Variants in CNTN4 observed in about 807,000 individuals in gnomAD.
CNTN4 encodes contactin 4, also known as contactin-4.
A neutral mutation model predicts 122.5 loss-of-function variants in CNTN4; 77 were observed. That is an observed-to-expected ratio of 0.63 (90% confidence interval 0.52 to 0.76). The LOEUF (loss-of-function observed/expected upper bound fraction) is 0.76. Among genes scored for constraint, CNTN4 ranks in the 30% least tolerant of loss-of-function variants. The pLI is 0.00. For missense variants in CNTN4, 1,256 were observed against 1,259.1 expected (o/e 1.00, Z 0.04); for synonymous variants, 512 against 447.0 (o/e 1.15, Z -1.83).
intron 6 of CNTN4, among the ~76,000 whole-genome samples, chr3:2,812,602 G>A (rs763188396): frequency 1.3e-5 from 2 of 151,158 alleles, no homozygotes; most frequent in African/African-American, 2.4e-5. Flanking sequence ...CAGTAGTGTT[G>A]ACTTGGCCAC....
chr3:2,870,096 G>A (rs892916388), intron 8 of CNTN4, among the ~76,000 whole-genome samples: 2 of 152,134 alleles, frequency 1.3e-5, no homozygotes, highest in African/African-American at 4.8e-5. Flanking sequence ...AGGGACAGAC[G>A]TCACACAGAA....
At chr3:2,483,553 T>C (rs901146188) in intron 3 of CNTN4, among the ~76,000 whole-genome samples, 1 of 152,208 alleles carries the variant, frequency 6.6e-6, no homozygotes, top group African/African-American at 2.4e-5. Context: ...AAACTTCATC[T>C]TGAGTTGTAA....
intron 15 of CNTN4, 79 bp downstream of exon 15, chr3:3,026,356 G>T (rs986069332): frequency 9.9e-5 from 129 of 1,299,710 alleles, no homozygotes; most frequent in Non-Finnish European, 1.3e-4. Flanking sequence ...TACTATTTTA[G>T]AATTTTGTTC....
intron 14 of CNTN4, among the ~76,000 whole-genome samples, chr3:3,003,719 AAAAC>A (rs1243068668): frequency 1.3e-5 from 2 of 150,842 alleles, no homozygotes; most frequent in Non-Finnish European, 3.0e-5. Context: ...AAAAAACAAA[AAAAC>A]CCCACTGAAT....
At chr3:2,158,908 T>C (rs1424661547) in intron 2 of CNTN4, among the ~76,000 whole-genome samples, 1 of 152,212 alleles carries the variant, frequency 6.6e-6, no homozygotes, top group Non-Finnish European at 1.5e-5. Flanking sequence ...ACAACATTCT[T>C]TTTAAAGCAT....
chr3:2,821,492 CT>C (rs2092871565), intron 7 of CNTN4, among the ~76,000 whole-genome samples: 1 of 152,186 alleles, frequency 6.6e-6, no homozygotes, highest in Non-Finnish European at 1.5e-5. Context: ...CGTAAGTTTT[CT>C]TTGCCTGAGG....
At chr3:2,409,985 T>C in intron 3 of CNTN4, among the ~76,000 whole-genome samples, 1 of 152,184 alleles carries the variant, frequency 6.6e-6, no homozygotes, top group African/African-American at 2.4e-5. Context: ...TGGGTCATTA[T>C]AAAAATTTCA....
At chr3:2,234,270 T>C (rs1216384225) in intron 2 of CNTN4, among the ~76,000 whole-genome samples, 1 of 144,942 alleles carries the variant, frequency 6.9e-6, no homozygotes, top group African/African-American at 2.6e-5. Flanking sequence ...CCCAGCTACT[T>C]GGGAGGCTGA....
chr3:2,132,351 G>A (rs2034491099), intron 2 of CNTN4: 1 of 152,176 alleles, frequency 6.6e-6, no homozygotes, highest in South Asian at 2.1e-4. Context: ...GCTGAGCCCA[G>A]ACCACTCACA....
chr3:3,052,960 T>C (rs1195257358), intron 23 of CNTN4, among the ~76,000 whole-genome samples: 1 of 152,250 alleles, frequency 6.6e-6, no homozygotes. Context: ...TGATTATCTT[T>C]AAGCCTTCAG....
At chr3:2,666,345 T>G (rs1013320921) in intron 4 of CNTN4, among the ~76,000 whole-genome samples, 1 of 152,222 alleles carries the variant, frequency 6.6e-6, no homozygotes, top group Non-Finnish European at 1.5e-5. Context: ...GGTTTATGAT[T>G]CTTCAAATAG....
intron 6 of CNTN4, among the ~76,000 whole-genome samples, chr3:2,799,809 A>G (rs1047435506): frequency 1.8e-4 from 28 of 152,154 alleles, no homozygotes; most frequent in Non-Finnish European, 4.0e-4. Flanking sequence ...TTATTTTTAT[A>G]TATGGTGAGA....
At chr3:3,007,409 AG>A (rs1696767378) in intron 14 of CNTN4, among the ~76,000 whole-genome samples, 1 of 152,226 alleles carries the variant, frequency 6.6e-6, no homozygotes, top group East Asian at 1.9e-4. Flanking sequence ...CTATAATGCC[AG>A]TGGATTATTC....
chr3:2,744,819 G>A (rs893136596), intron 5 of CNTN4, among the ~76,000 whole-genome samples: 3 of 152,158 alleles, frequency 2.0e-5, no homozygotes, highest in Non-Finnish European at 4.4e-5. Context: ...AAATACTCTA[G>A]TCACATACAT....
intron 7 of CNTN4, among the ~76,000 whole-genome samples, chr3:2,851,954 T>C (rs1027016815): frequency 2.0e-5 from 3 of 152,200 alleles, no homozygotes; most frequent in Non-Finnish European, 4.4e-5. Context: ...CTAGGATGCT[T>C]TCAGCTATAA....
At chr3:2,555,727 TG>T (rs2078692744) in intron 3 of CNTN4, among the ~76,000 whole-genome samples, 1 of 152,184 alleles carries the variant, frequency 6.6e-6, no homozygotes, top group Admixed American at 6.5e-5. Flanking sequence ...TATAGATTTA[TG>T]CTGCAGAGAT....
intron 3 of CNTN4, among the ~76,000 whole-genome samples, chr3:2,518,227 G>GTT (rs2077094816): frequency 6.6e-6 from 1 of 152,110 alleles, no homozygotes. Flanking sequence ...GTGTGTGTGT[G>GTT]TGTGTGTGCA....
At chr3:2,482,399 G>C (rs1037354206) in intron 3 of CNTN4, among the ~76,000 whole-genome samples, 2 of 151,908 alleles carry the variant, frequency 1.3e-5, no homozygotes, top group East Asian at 3.9e-4. Flanking sequence ...GATCATAAAA[G>C]TTTGGAAAAT....
Position 2,925,701 on chromosome 3 carries a change from T to C in CNTN4, c.1280T>C (p.Ile427Thr), listed in dbSNP as rs774325541. The C allele has an allele frequency of 4.3e-6, 7 of 1,613,882 alleles. No individual in the cohort carries two copies. Among genetic ancestry groups the C allele is most frequent in the Non-Finnish European group, 8.5e-7 (1 of 1,179,888 alleles). Residue 427 changes from isoleucine to threonine, a missense_variant, in exon 13 of 25, where the codon ATT becomes ACT. Ile to Thr is a moderately conservative substitution (Grantham distance 89). Coordinates refer to ENST00000418658, the MANE Select transcript of CNTN4 (RefSeq NM_175607.3). ...TLVKVGGEVV[I>T]ECKPKASPKP... is the part of the protein sequence containing the mutation. The stretch of plus-strand genomic sequence containing the variant: ...GTCAAAGTGGGAGGTGAAGTTGTCA[T>C]TGAGTGTAAGCCAAAAGCGTCTCCA...
Sources: allele counts gnomAD v4.1 joint callset (sites outside exome capture counted in the v4.1 genomes callset), GRCh38; gene constraint gnomAD v4.1.1; transcripts MANE v1.5; gene names NCBI Gene and HGNC (gene_info 2026-07-23, HGNC 2026-07-21).